KLHDC1: variants seen among roughly 807,000 people sequenced by gnomAD.
The protein encoded by KLHDC1 is kelch domain-containing protein 1.
In KLHDC1, 53 loss-of-function variants were observed where a neutral mutation model predicts 68.3. The ratio of observed to expected loss-of-function variants is 0.78; its 90% CI spans 0.62 to 0.98. KLHDC1 has a LOEUF of 0.98. KLHDC1 is among the 50% of genes least tolerant of loss of function. The probability of loss-of-function intolerance (pLI) is 0.00; values close to 1 mark genes in which losing one functional copy is unlikely to be tolerated. For missense variants in KLHDC1, 470 were observed against 492.3 expected (o/e 0.95, Z 0.43); for synonymous variants, 148 against 159.0 (o/e 0.93, Z 0.52).
At chr14:49,720,195 G>A (rs532459422) in intron 4 of KLHDC1, among the ~76,000 whole-genome samples, 21 of 152,088 alleles carry the variant, frequency 1.4e-4, no homozygotes, top group African/African-American at 3.9e-4. Context: ...CATGTTGGTC[G>A]GGCTCATCTC....
intron 1 of KLHDC1, among the ~76,000 whole-genome samples, chr14:49,700,623 T>C (rs1466667612): frequency 6.6e-6 from 1 of 152,098 alleles, no homozygotes; most frequent in African/African-American, 2.4e-5. Flanking sequence ...AACTACATAT[T>C]TCTGCTATGG....
At chr14:49,701,188 T>C (rs1490240116) in intron 1 of KLHDC1, among the ~76,000 whole-genome samples, 1 of 151,968 alleles carries the variant, frequency 6.6e-6, no homozygotes, top group African/African-American at 2.4e-5. Context: ...TCTGGGAAAA[T>C]GATCACTTAT....
In KLHDC1 at chr14:49,709,833, A is replaced by C. The variant is rs369104086; in HGVS notation, c.285+7A>C. On this transcript the variant is annotated splice_region_variant and intron_variant, in intron 3 of 12. Coordinates refer to ENST00000359332, the MANE Select transcript of KLHDC1 (RefSeq NM_172193.3). ...CAAAGGATACAGCAATCGAGTAATAATTTCTTTAATTCAAGAGTGCAGCAA... is the reference window on the plus strand; with the variant it reads ...CAAAGGATACAGCAATCGAGTAATACTTTCTTTAATTCAAGAGTGCAGCAA... 3.0e-5 allele frequency: 43 copies of C among 1,432,962 alleles called. No individual in the cohort carries two copies. In the African/African-American group the frequency reaches 3.0e-4, roughly 10 times the overall value. The allele number at this position is 1,432,962 out of a possible 1,614,324, so 88.8% of individuals were successfully genotyped here. A position where few individuals can be genotyped will look rare whatever the true frequency, so the allele number is the denominator to read the frequency against.
At chr14:49,749,086 A>AC (rs979795773) in intron 12 of KLHDC1, among the ~76,000 whole-genome samples, 1 of 152,030 alleles carries the variant, frequency 6.6e-6, no homozygotes, top group African/African-American at 2.4e-5. Flanking sequence ...GGCGTGAGCC[A>AC]CCCCGCCCAG....
intron 1 of KLHDC1, among the ~76,000 whole-genome samples, chr14:49,704,431 T>C (rs1257307272): frequency 1.4e-5 from 2 of 142,196 alleles, no homozygotes; most frequent in Non-Finnish European, 3.0e-5. Context: ...TCTCGCTTTG[T>C]CGCCCCGGCT....
At chr14:49,713,831 TATATA>T (rs1566602891) in intron 4 of KLHDC1, among the ~76,000 whole-genome samples, 351 of 13,744 alleles carry the variant, frequency 0.026, 94 homozygotes, top group East Asian at 0.043. Flanking sequence ...TATATATATA[TATATA>T]TATATATATA....
chr14:49,739,594 AATT>A (rs1889011377), intron 10 of KLHDC1, among the ~76,000 whole-genome samples: 1 of 152,272 alleles, frequency 6.6e-6, no homozygotes, highest in African/African-American at 2.4e-5. Flanking sequence ...AAAAGGCAAA[AATT>A]ATAAGAACAG....
At chr14:49,711,496 C>G (rs1594656836) in intron 4 of KLHDC1, among the ~76,000 whole-genome samples, 3 of 152,128 alleles carry the variant, frequency 2.0e-5, no homozygotes, top group Admixed American at 6.6e-5. Context: ...AGCCACTGCA[C>G]CTGGCCCTAA....
intron 1 of KLHDC1, among the ~76,000 whole-genome samples, chr14:49,695,533 C>G (rs1887715345): frequency 6.6e-6 from 1 of 152,180 alleles, no homozygotes; most frequent in African/African-American, 2.4e-5. Flanking sequence ...ATGCTGTCAT[C>G]CAGGCTTTCT....
intron 11 of KLHDC1, 122 bp downstream of exon 11, chr14:49,740,304 CTGTGGTTT>C: frequency 1.7e-6 from 1 of 602,308 alleles, no homozygotes; most frequent in South Asian, 2.2e-5. Flanking sequence ...AAATGTTACT[CTGTGGTTT>C]AATTAATCTT....
At chr14:49,708,522 T>C (rs970726320) in intron 1 of KLHDC1, 5 of 152,350 alleles carry the variant, frequency 3.3e-5, no homozygotes, top group African/African-American at 1.2e-4. Context: ...ATTTATCTTT[T>C]CATCAAGAAT....
intron 1 of KLHDC1, among the ~76,000 whole-genome samples, chr14:49,703,093 G>A (rs1213847366): frequency 1.3e-5 from 2 of 151,860 alleles, no homozygotes; most frequent in Non-Finnish European, 2.9e-5. Context: ...ACAATAGAAT[G>A]TATAAAATAA....
chr14:49,747,136 C>G (rs2139771129), intron 12 of KLHDC1, among the ~76,000 whole-genome samples: 1 of 152,060 alleles, frequency 6.6e-6, no homozygotes, highest in Middle Eastern at 3.4e-3. Context: ...TTAGTAGAGA[C>G]AGGGGTTTCA....
chr14:49,737,384 C>T (rs975924992), intron 10 of KLHDC1, among the ~76,000 whole-genome samples: 3 of 152,070 alleles, frequency 2.0e-5, no homozygotes, highest in Non-Finnish European at 2.9e-5. Flanking sequence ...TTTGGTTTAA[C>T]GAATTGTGCA....
chr14:49,695,836 A>C (rs867659252), intron 1 of KLHDC1, among the ~76,000 whole-genome samples: 1 of 152,136 alleles, frequency 6.6e-6, no homozygotes, highest in African/African-American at 2.4e-5. Context: ...AGGCCGAGGC[A>C]GGCGGATCAC....
At chr14:49,698,035 T>C (rs1887792462) in intron 1 of KLHDC1, among the ~76,000 whole-genome samples, 1 of 152,074 alleles carries the variant, frequency 6.6e-6, no homozygotes, top group South Asian at 2.1e-4. Flanking sequence ...ATGCAAAGAG[T>C]CTAGATATAA....
At chr14:49,719,634 C>T (rs2139748457) in intron 4 of KLHDC1, among the ~76,000 whole-genome samples, 1 of 151,918 alleles carries the variant, frequency 6.6e-6, no homozygotes, top group African/African-American at 2.4e-5. Context: ...GACAGGGTTT[C>T]ACTATGTTGG....
chr14:49,718,769 CTTTTTTTTTTTTT>C (rs71115397), intron 4 of KLHDC1, among the ~76,000 whole-genome samples: 6 of 76,822 alleles, frequency 7.8e-5, no homozygotes, highest in African/African-American at 1.1e-4. Context: ...TTCTTTCTTT[CTTTTTTTTTTTTT>C]TTTTTTTTTT....
chr14:49,695,277 C>T (rs974944263), intron 1 of KLHDC1, among the ~76,000 whole-genome samples: 2 of 152,084 alleles, frequency 1.3e-5, no homozygotes, highest in South Asian at 2.1e-4. Flanking sequence ...TTTTTACAGG[C>T]GTGAGCCACC....
Sources: gnomAD v4.1 joint callset for allele counts (sites outside exome capture counted in the v4.1 genomes callset) on GRCh38, gnomAD v4.1.1 for gene constraint, MANE v1.5 for transcripts, NCBI Gene and HGNC (gene_info 2026-07-23, HGNC 2026-07-21) for gene names.